KDM3A: variants seen among roughly 807,000 people sequenced by gnomAD.
The protein encoded by KDM3A is lysine demethylase 3A.
A neutral mutation model predicts 158.0 loss-of-function variants in KDM3A; 60 were observed. The ratio of observed to expected loss-of-function variants is 0.38; its 90% confidence interval spans 0.31 to 0.47. The LOEUF (loss-of-function observed/expected upper bound fraction) is 0.47. KDM3A is among the 20% of genes least tolerant of loss of function. The probability of loss-of-function intolerance (pLI) is 0.99; values close to 1 mark genes in which losing one functional copy is unlikely to be tolerated. For missense variants in KDM3A, 1,319 were observed against 1,574.3 expected, an observed-to-expected ratio of 0.84 and a Z score of 2.74; for synonymous variants, 608 against 549.3, an observed-to-expected ratio of 1.11 and a Z score of -1.49.
At position 86,489,424 on chromosome 2, in the gene KDM3A, T is replaced by G. The variant is rs201046362; in HGVS notation, c.3420T>G (p.Cys1140Trp). 3 of 1,613,986 alleles carry G rather than the reference T, an allele frequency of 1.9e-6. No individual in the cohort carries two copies. In the East Asian group the frequency reaches 6.7e-5, roughly 36 times the overall value. Residue 1140 changes from cysteine (C) to tryptophan (W), a missense_variant, in exon 22 of 26, where the codon TGT becomes TGG. Cys to Trp is a radical substitution (Grantham distance 215). Around this residue, in one of 4 missense-constraint regions of KDM3A, gnomAD observed 186 missense variants for 340.9 expected, o/e 0.55. Coordinates refer to ENST00000312912, the MANE Select transcript of KDM3A (RefSeq NM_018433.6). ...MVYVGIPKGQ[C>W]EQEEEVLKTI... ...ATGTGGGAATTCCCAAAGGACAGTGTGAGCAAGAAGAAGGTAGGGTGCTGA... is the reference window on the plus strand; with the variant it reads ...ATGTGGGAATTCCCAAAGGACAGTGGGAGCAAGAAGAAGGTAGGGTGCTGA...
At chr2:86,475,046 A>G (rs1195994342) in intron 12 of KDM3A, 56 bp downstream of exon 12, 4 of 1,374,454 alleles carry the variant, frequency 2.9e-6, no homozygotes. Context: ...TTTTGTTCCT[A>G]AGTGACACCT....
At chr2:86,489,886 T>C (rs1417978343) in intron 23 of KDM3A, 1 of 419,740 alleles carries the variant, frequency 2.4e-6, no homozygotes, top group African/African-American at 2.0e-5. Flanking sequence ...TGTCTGTGTT[T>C]TGTGTTAGAG....
Position 86,442,089 on chromosome 2 carries a change from G to A in KDM3A, c.42G>A (p.Gly14=), listed in dbSNP as rs749459833. The change falls in exon 2 of 26, where the codon GGG becomes GGA. Residue 14 remains glycine, a synonymous_variant. Transcript: ENST00000312912. ...TLGESWPVLV[G]RRFLSLSAAD... Reference sequence around the variant, plus strand: ...GAGAAAGTTGGCCGGTATTGGTGGGGAGGAGGTTTCTCAGTCTGTCCGCAG... The same window carrying A: ...GAGAAAGTTGGCCGGTATTGGTGGGAAGGAGGTTTCTCAGTCTGTCCGCAG... 1 of 1,614,172 alleles carries A rather than the reference G, an allele frequency of 6.2e-7. No individual in the cohort carries two copies. The highest frequency in any genetic ancestry group is 2.2e-5 in the East Asian group (1 of 44,878).
At position 86,474,700 on chromosome 2, in the gene KDM3A, G is replaced by GA. The variant is rs1558622947; in HGVS notation, c.1725-76_1725-75insA. ...AAAAGTAATTACAAGTTGTAAATAAGTTGTGTGTGTGTGTGTGTGTGTGTG... is the reference window on the plus strand; with the variant it reads ...AAAAGTAATTACAAGTTGTAAATAAGATTGTGTGTGTGTGTGTGTGTGTGTG... On this transcript the variant is annotated intron_variant, in intron 11 of 25. Coordinates refer to ENST00000312912, the MANE Select transcript of KDM3A (RefSeq NM_018433.6). The GA allele has an allele frequency of 9.3e-6, 4 of 430,576 alleles. No homozygotes were observed. The East Asian group carries it at 1.7e-4, about 19-fold the overall frequency. 26.7% of individuals were successfully genotyped at this position (430,576 alleles called of 1,614,324 possible).
At position 86,482,509 on chromosome 2, in the gene KDM3A, T is replaced by G. The variant is rs1673982121; in HGVS notation, c.2737T>G (p.Ser913Ala). The G allele has an allele frequency of 1.2e-6, 2 of 1,614,196 alleles. No individual in the cohort carries two copies. The highest frequency in any genetic ancestry group is 3.3e-5 in the Admixed American group (2 of 60,020). The part of the protein sequence containing the change: ...TPKILDDIFA[S>A]LVQNKTTSDL... ...AAAAATCCTTGATGACATCTTTGCC[T>G]CTTTGGTGCAAAATAAGACGACTTC... Residue 913 changes from serine to alanine, a missense_variant, in exon 18 of 26, where the codon TCT (serine) becomes GCT (alanine). Transcript: ENST00000312912.
In KDM3A at chr2:86,442,016, A is replaced by G. The variant is rs779816862; in HGVS notation, c.-30-2A>G. On this transcript the variant is annotated splice_acceptor_variant, in intron 1 of 25. Coordinates refer to ENST00000312912, the MANE Select transcript of KDM3A (RefSeq NM_018433.6). LOFTEE classifies it low-confidence loss of function (5UTR_SPLICE). ...TCGCATTTTGTTTTTGTGTTTTTGC[A>G]GGGAGGAGCTCTTCCTGCAGGCGTG... 8.2e-6 allele frequency: 13 copies of G among 1,589,216 alleles called. No homozygotes were observed. Among genetic ancestry groups the G allele is most frequent in the Non-Finnish European group, 1.1e-5 (13 of 1,166,012 alleles).
chr2:86,445,679 TTC>T (rs1682930212), intron 2 of KDM3A, among the ~76,000 whole-genome samples: 3 of 152,222 alleles, frequency 2.0e-5, no homozygotes. Flanking sequence ...TGCCTAGCCT[TTC>T]ATTTTTGCAC....
intron 8 of KDM3A, among the ~76,000 whole-genome samples, chr2:86,462,606 G>A (rs1320555784): frequency 6.6e-6 from 1 of 152,158 alleles, no homozygotes; most frequent in African/African-American, 2.4e-5. Flanking sequence ...GACTGAAATA[G>A]TGTAATATAT....
At position 86,484,126 on chromosome 2, in the gene KDM3A, G is replaced by C. The variant is rs986331092; in HGVS notation, c.3062G>C (p.Gly1021Ala). ...GAAATCATCACAGGAGCCACAGTAG[G>C]AGACTTCTGGGATGGATTTGAAGAT... ...TNEIITGATVGDFWDGFEDVP... is the reference protein window; with the variant it reads ...TNEIITGATVADFWDGFEDVP... Residue 1021 changes from glycine (G) to alanine (A), a missense_variant, in exon 19 of 26, where the codon GGA becomes GCA. Gly to Ala is a moderately conservative substitution (Grantham distance 60). Coordinates refer to ENST00000312912, the MANE Select transcript of KDM3A (RefSeq NM_018433.6). The C allele has an allele frequency of 9.3e-6, 15 of 1,613,810 alleles. No homozygotes were observed. In the Admixed American group the frequency reaches 2.2e-4, roughly 23 times the overall value.
intron 23 of KDM3A, 49 bp downstream of exon 23, chr2:86,489,708 TTA>T: frequency 1.9e-6 from 3 of 1,559,284 alleles, no homozygotes; most frequent in Admixed American, 1.9e-5. Flanking sequence ...AATAGCAATA[TTA>T]TGTTACTACA....
At chr2:86,441,872 G>C (rs1213518778) in intron 1 of KDM3A, 146 bp from the exon 2 acceptor site, 1 of 348,288 alleles carries the variant, frequency 2.9e-6, no homozygotes, top group East Asian at 5.3e-5. Flanking sequence ...GGGGGCGGGA[G>C]GGCGCAGGAG....
upstream of KDM3A, among the ~76,000 whole-genome samples, chr2:86,437,733 T>C (rs1682514133): frequency 6.6e-6 from 1 of 152,228 alleles, no homozygotes; most frequent in South Asian, 2.1e-4. Context: ...TCATTTCATG[T>C]ATTAATTTTT....
upstream of KDM3A, among the ~76,000 whole-genome samples, chr2:86,440,384 T>C (rs997883572): frequency 2.6e-5 from 4 of 152,254 alleles, no homozygotes; most frequent in African/African-American, 9.6e-5. Context: ...CTAGCCTTTA[T>C]GAACATATCT....
rs1333717332 is a variant in KDM3A at position 86,467,836 on chromosome 2, C to T, written c.1519+953C>T. On this transcript the variant is annotated intron_variant, in intron 10 of 25. Transcript: ENST00000312912. ...AGGAGTTTGAGACCAGCCTGGGCAA[C>T]ATAGTGAGACCCCATCTCCACAAAA... Among the ~76,000 whole-genome samples, 7 of 152,234 alleles carry T rather than the reference C, an allele frequency of 4.6e-5. No individual in the cohort carries two copies. The East Asian group carries it at 1.4e-3, about 29-fold the overall frequency.
rs375309255 is a variant in KDM3A, at chr2:86,473,032, T to C, written c.1725-1744T>C. On this transcript the variant is annotated intron_variant, in intron 11 of 25. Coordinates refer to ENST00000312912, the MANE Select transcript of KDM3A (RefSeq NM_018433.6). Reference sequence around the variant, plus strand: ...CTCATAGTCAGCAGTCAGCACTTCCTCCTCTGCTCTTATAAGAATTAATGA... The same window carrying C: ...CTCATAGTCAGCAGTCAGCACTTCCCCCTCTGCTCTTATAAGAATTAATGA... Among the ~76,000 whole-genome samples the C allele has an allele frequency of 2.6e-5, 4 of 152,350 alleles. No individual in the cohort carries two copies. The East Asian group carries it at 5.8e-4, about 22-fold the overall frequency.
intron 15 of KDM3A, 120 bp downstream of exon 15, chr2:86,478,855 A>G: frequency 1.1e-6 from 1 of 904,100 alleles, no homozygotes; most frequent in Non-Finnish European, 1.7e-6. Flanking sequence ...TATCAAGTGG[A>G]AAGAGAGAGA....
intron 8 of KDM3A, among the ~76,000 whole-genome samples, chr2:86,459,845 A>G (rs1037569924): frequency 6.6e-6 from 1 of 152,112 alleles, no homozygotes; most frequent in Admixed American, 6.6e-5. Flanking sequence ...AGAAGCTATT[A>G]AAAAAATAAG....
At chr2:86,447,288 C>CT (rs751507169) in intron 2 of KDM3A, among the ~76,000 whole-genome samples, 1,632 of 135,580 alleles carry the variant, frequency 0.012, 19 homozygotes, top group African/African-American at 0.024. Context: ...AGGAGGTAAA[C>CT]TTTTTTTTTT....
chr2:86,439,757 A>C (rs148364688), upstream of KDM3A, among the ~76,000 whole-genome samples: 3 of 152,160 alleles, frequency 2.0e-5, no homozygotes, highest in Admixed American at 2.0e-4. Flanking sequence ...TTTTAGATTC[A>C]TAACAGTTCA....
Sources: allele counts gnomAD v4.1 joint callset (sites outside exome capture counted in the v4.1 genomes callset), GRCh38; gene constraint gnomAD v4.1.1; regional missense constraint gnomAD v4.1.1; transcripts MANE v1.5; gene names NCBI Gene and HGNC (gene_info 2026-07-23, HGNC 2026-07-21).